COBLL1: variants seen among roughly 807,000 people sequenced by gnomAD.
The protein encoded by COBLL1 is cordon-bleu WH2 repeat protein like 1.
COBLL1 carries 50 observed loss-of-function variants against 94.8 expected under a neutral mutation model. The observed-to-expected ratio is 0.53, with a 90% confidence interval of 0.42 to 0.67. COBLL1 has a LOEUF of 0.67. COBLL1 is among the 30% of genes least tolerant of loss of function. The pLI is 0.00. For synonymous variants in COBLL1, 448 were observed against 473.8 expected (o/e 0.95, Z 0.71); for missense variants, 1,362 against 1,348.7 (o/e 1.01, Z -0.15).
chr2:164,759,175 A>G (rs1171745207), intron 2 of COBLL1, among the ~76,000 whole-genome samples: 1 of 152,196 alleles, frequency 6.6e-6, no homozygotes, highest in Non-Finnish European at 1.5e-5. Flanking sequence ...ACTTGGGTAA[A>G]TATTAAACAT....
At chr2:164,713,419 C>G (rs1685004981) in intron 7 of COBLL1, among the ~76,000 whole-genome samples, 1 of 152,098 alleles carries the variant, frequency 6.6e-6, no homozygotes, top group African/African-American at 2.4e-5. Context: ...AATGCTGCTC[C>G]TACCAATCTG....
At chr2:164,828,117 A>C (rs957284000) in intron 2 of COBLL1, among the ~76,000 whole-genome samples, 1 of 152,136 alleles carries the variant, frequency 6.6e-6, no homozygotes, top group African/African-American at 2.4e-5. Flanking sequence ...AATATTAATT[A>C]CTCGGTTCAA....
chr2:164,837,583 C>G (rs1383373969), intron 2 of COBLL1: 2 of 422,900 alleles, frequency 4.7e-6, no homozygotes, highest in African/African-American at 2.1e-5. Context: ...TCATCTAGAT[C>G]ACTATGTAAG....
intron 4 of COBLL1, among the ~76,000 whole-genome samples, chr2:164,729,297 G>A (rs1165974582): frequency 1.3e-5 from 2 of 151,618 alleles, no homozygotes; most frequent in Non-Finnish European, 2.9e-5. Flanking sequence ...AATGGTTGAT[G>A]TTCATAATGA....
In COBLL1 at chr2:164,841,300, GGAGCGAAGCTGGCT is replaced by G; in HGVS notation, c.-50-68_-50-55del. 8.2e-7 allele frequency: 1 copy of G among 1,215,320 alleles called. No individual in the cohort carries two copies. The highest frequency in any genetic ancestry group is 1.0e-6 in the Non-Finnish European group (1 of 977,326). 75.3% of individuals were successfully genotyped at this position (1,215,320 alleles called of 1,614,324 possible). A position where few individuals can be genotyped will look rare whatever the true frequency, so the allele number is the denominator to read the frequency against. On this transcript the variant is annotated intron_variant, in intron 1 of 13. Coordinates refer to ENST00000652658, the MANE Select transcript of COBLL1 (RefSeq NM_001365672.2). The surrounding 1 kb of genome is among the most constrained non-coding windows in gnomAD (Gnocchi z 5.5). Reference sequence around the variant, plus strand: ...GCGGGACGCGCGCCTTCCCGAGGCCGGAGCGAAGCTGGCTGAGCGTCAAGAGCCCGCCCGAGCCG... The same window carrying G: ...GCGGGACGCGCGCCTTCCCGAGGCCGGAGCGTCAAGAGCCCGCCCGAGCCG...
chr2:164,686,290 A>C (rs1055601614), intron 13 of COBLL1, among the ~76,000 whole-genome samples: 1 of 152,162 alleles, frequency 6.6e-6, no homozygotes, highest in African/African-American at 2.4e-5. Context: ...AATCAACACA[A>C]AGGACAAGAG....
downstream of COBLL1, among the ~76,000 whole-genome samples, chr2:164,679,780 G>A (rs892945083): frequency 7.3e-5 from 11 of 151,490 alleles, no homozygotes; most frequent in African/African-American, 2.2e-4. Flanking sequence ...TGGGCCTCTC[G>A]GGGGGTGGGG....
intron 2 of COBLL1, among the ~76,000 whole-genome samples, chr2:164,665,058 C>T (rs1431890821): frequency 6.6e-6 from 1 of 152,164 alleles, no homozygotes; most frequent in Non-Finnish European, 1.5e-5. Flanking sequence ...GGGTCGGGCA[C>T]AGTGGCTCAC....
intron 7 of COBLL1, among the ~76,000 whole-genome samples, chr2:164,713,862 T>A (rs184119585): frequency 6.6e-6 from 1 of 152,198 alleles, no homozygotes; most frequent in Admixed American, 6.6e-5. Flanking sequence ...CTCGTTAACG[T>A]TGATCAAACC....
chr2:164,781,376 T>C (rs1688717134), intron 2 of COBLL1, among the ~76,000 whole-genome samples: 2 of 152,212 alleles, frequency 1.3e-5, no homozygotes, highest in African/African-American at 2.4e-5. Flanking sequence ...ATAAAATTGC[T>C]ACTAACAAGT....
At chr2:164,672,701 G>A (rs1011496404) in intron 1 of COBLL1, among the ~76,000 whole-genome samples, 5 of 78,142 alleles carry the variant, frequency 6.4e-5, no homozygotes, top group South Asian at 4.0e-4. Context: ...GCGAGACTCC[G>A]TCTCAAAAAA....
chr2:164,803,008 C>CA (rs1224633134), intron 2 of COBLL1, among the ~76,000 whole-genome samples: 1 of 152,060 alleles, frequency 6.6e-6, no homozygotes, highest in Non-Finnish European at 1.5e-5. Flanking sequence ...TTATAGATTG[C>CA]AATATATAGA....
Position 164,705,055 on chromosome 2 carries a change from G to GC in COBLL1, c.1046dup (p.Ser349ArgfsTer29), listed in dbSNP as rs764931968. The GC allele has an allele frequency of 1.9e-6, 3 of 1,598,480 alleles. No individual in the cohort carries two copies. The highest frequency in any genetic ancestry group is 2.6e-6 in the Non-Finnish European group (3 of 1,172,706). On this transcript the variant is annotated frameshift_variant, in exon 8 of 14. Coordinates refer to ENST00000652658, the MANE Select transcript of COBLL1 (RefSeq NM_001365672.2). LOFTEE classifies it high-confidence loss of function. ...TCAAAGATGAATTCCCTGCAGACAT[G>GC]CTGCTGAGCTGCAGTGAACCTGCCC...
Position 164,682,977 on chromosome 2 carries a change from G to A in COBLL1, c.*2969C>T, listed in dbSNP as rs1008454705. On this transcript the variant is annotated 3_prime_UTR_variant, in exon 14 of 14. Transcript: ENST00000652658. The stretch of plus-strand genomic sequence containing the variant: ...AAGTTGTTACATAGTATTAGAGTGT[G>A]ACCTCCTTTCATGTTAAGAAACACA... 1.3e-5 allele frequency: 2 copies of A among 150,402 alleles called. No homozygotes were observed. The highest frequency in any genetic ancestry group is 1.3e-4 in the Admixed American group (2 of 15,010). 9.3% of individuals were successfully genotyped at this position (150,402 alleles called of 1,614,324 possible).
chr2:164,792,109 T>G, intron 2 of COBLL1, among the ~76,000 whole-genome samples: 1 of 151,158 alleles, frequency 6.6e-6, no homozygotes, highest in East Asian at 1.9e-4. Context: ...TTTCTATTCT[T>G]TATTTATTTA....
chr2:164,779,868 T>C, intron 2 of COBLL1: 2 of 391,374 alleles, frequency 5.1e-6, no homozygotes, highest in Non-Finnish European at 1.1e-5. Flanking sequence ...AATGTGCAGG[T>C]ATGAGACATG....
chr2:164,753,709 A>G (rs941772272), intron 2 of COBLL1, among the ~76,000 whole-genome samples: 1 of 151,100 alleles, frequency 6.6e-6, no homozygotes, highest in Non-Finnish European at 1.5e-5. Context: ...GAAAATGTTT[A>G]AGTATATTTG....
chr2:164,822,123 ACAGAGT>A (rs1477143899), intron 2 of COBLL1, among the ~76,000 whole-genome samples: 3 of 152,224 alleles, frequency 2.0e-5, no homozygotes, highest in East Asian at 3.8e-4. Flanking sequence ...AAACAAAAAC[ACAGAGT>A]CAAAGACATT....
At chr2:164,821,519 A>C (rs912278475) in intron 2 of COBLL1, among the ~76,000 whole-genome samples, 1 of 152,188 alleles carries the variant, frequency 6.6e-6, no homozygotes, top group African/African-American at 2.4e-5. Context: ...TCTGTGTACA[A>C]GCGATAAAAC....
Sources: gnomAD v4.1 joint callset for allele counts (sites outside exome capture counted in the v4.1 genomes callset) on GRCh38, gnomAD v4.1.1 for gene constraint, Gnocchi (gnomAD v3.1) non-coding constraint, MANE v1.5 for transcripts, NCBI Gene and HGNC (gene_info 2026-07-23, HGNC 2026-07-21) for gene names.